The following NAV3 variants were observed in gnomAD, a reference collection of about 807,000 sequenced individuals.
The protein encoded by NAV3 is pore membrane and/or filament interacting like protein 1.
NAV3 carries 87 observed loss-of-function variants against 244.7 expected under a neutral mutation model. The observed-to-expected ratio is 0.36, with a 90% CI of 0.30 to 0.42. The LOEUF (loss-of-function observed/expected upper bound fraction) is 0.42, where lower values mean the gene tolerates loss of function less well. Among genes scored for constraint, NAV3 ranks in the 20% least tolerant of loss-of-function variants. The pLI is 1.00. For synonymous variants in NAV3, 1,126 were observed against 1,042.2 expected (o/e 1.08, Z -1.55); for missense variants, 2,663 against 2,893.3 (o/e 0.92, Z 1.83).
intron 9 of NAV3, among the ~76,000 whole-genome samples, chr12:78,025,079 G>A (rs1019866993): frequency 6.6e-6 from 1 of 152,114 alleles, no homozygotes; most frequent in African/African-American, 2.4e-5. Flanking sequence ...TGTAAAAAGA[G>A]TACGGTTCAA....
At chr12:77,952,920 A>G (rs1195053074) in intron 3 of NAV3, among the ~76,000 whole-genome samples, 1 of 152,134 alleles carries the variant, frequency 6.6e-6, no homozygotes, top group Non-Finnish European at 1.5e-5. Context: ...ATATACATAC[A>G]TGTTTTTAGG....
At chr12:77,635,394 T>G (rs1329318225) in intron 2 of NAV3, among the ~76,000 whole-genome samples, 1 of 152,184 alleles carries the variant, frequency 6.6e-6, no homozygotes, top group Non-Finnish European at 1.5e-5. Context: ...AAATTTGCCT[T>G]CTAAAAGAAG....
At chr12:78,085,694 GC>G (rs942682305) in intron 12 of NAV3, among the ~76,000 whole-genome samples, 14 of 152,032 alleles carry the variant, frequency 9.2e-5, no homozygotes, top group African/African-American at 3.4e-4. Context: ...TGTCAGGCAG[GC>G]AGTTTGAAAT....
chr12:78,080,617 C>T (rs1212431607), intron 12 of NAV3, among the ~76,000 whole-genome samples: 2 of 152,012 alleles, frequency 1.3e-5, no homozygotes, highest in Non-Finnish European at 2.9e-5. Flanking sequence ...TAATTTCTGT[C>T]TAAAATAGAT....
chr12:77,982,895 T>TA (rs754186770), intron 5 of NAV3, among the ~76,000 whole-genome samples: 15 of 152,176 alleles, frequency 9.9e-5, no homozygotes, highest in Non-Finnish European at 1.9e-4. Context: ...ATGGCAGCCT[T>TA]AGTGGTATCA....
chr12:77,850,607 A>G (rs1009764922), intron 1 of NAV3, among the ~76,000 whole-genome samples: 1 of 152,204 alleles, frequency 6.6e-6, no homozygotes, highest in African/African-American at 2.4e-5. Context: ...AGAAAGCCTC[A>G]TTAGAGTAAA....
chr12:77,615,386 G>C (rs1283059678), intron 2 of NAV3, among the ~76,000 whole-genome samples: 1 of 152,100 alleles, frequency 6.6e-6, no homozygotes, highest in African/African-American at 2.4e-5. Context: ...CTATGGATCA[G>C]TGTTTACAGT....
chr12:78,004,653 C>T (rs921179035), intron 7 of NAV3, among the ~76,000 whole-genome samples: 1 of 152,220 alleles, frequency 6.6e-6, no homozygotes, highest in Admixed American at 6.5e-5. Context: ...GCTGCCATTT[C>T]AGCTGCTGTT....
chr12:78,049,829 T>C (rs1426919642), intron 9 of NAV3, among the ~76,000 whole-genome samples, 164 bp from the exon 10 acceptor site: 1 of 152,214 alleles, frequency 6.6e-6, no homozygotes, highest in African/African-American at 2.4e-5. Flanking sequence ...TCTATTCACA[T>C]TTTATTGCTA....
intron 23 of NAV3, among the ~76,000 whole-genome samples, chr12:78,160,754 C>G (rs1051719775): frequency 6.6e-6 from 1 of 151,384 alleles, no homozygotes; most frequent in East Asian, 1.9e-4. Context: ...CTCCGTATAC[C>G]CTGCCCGTGA....
intron 2 of NAV3, among the ~76,000 whole-genome samples, chr12:77,690,996 C>T (rs1289979424): frequency 6.6e-6 from 1 of 150,422 alleles, no homozygotes; most frequent in Non-Finnish European, 1.5e-5. Flanking sequence ...TTTATGGCAT[C>T]TTTTATTTCT....
At position 77,578,210 on chromosome 12, in the gene NAV3, A is replaced by C. The variant is rs145952503; in HGVS notation, c.72+5944A>C. On this transcript the variant is annotated intron_variant, in intron 2 of 8. Transcript: ENST00000550042. ...TCTGAGGACCAACAGCATCACTGTC[A>C]TCTGGGAGCTTATAAGAAATACAAA... Among the ~76,000 whole-genome samples the C allele has an allele frequency of 4.1e-3, 624 of 152,338 alleles. 7 individuals are homozygous for C. The highest frequency in any genetic ancestry group is 0.014 in the African/African-American group (599 of 41,584).
At chr12:77,839,802 G>A (rs563003036) in intron 1 of NAV3, among the ~76,000 whole-genome samples, 45 of 152,168 alleles carry the variant, frequency 3.0e-4, no homozygotes, top group Non-Finnish European at 4.7e-4. Context: ...AAGCATGGTG[G>A]CTCACACCTG....
chr12:77,752,726 C>T (rs1414457222), intron 2 of NAV3, among the ~76,000 whole-genome samples: 1 of 152,122 alleles, frequency 6.6e-6, no homozygotes, highest in African/African-American at 2.4e-5. Flanking sequence ...CTTTATAGAG[C>T]TCTTATAATA....
At chr12:78,012,278 C>G (rs541831756) in intron 8 of NAV3, among the ~76,000 whole-genome samples, 1 of 152,062 alleles carries the variant, frequency 6.6e-6, no homozygotes, top group Non-Finnish European at 1.5e-5. Flanking sequence ...AGCCACAACA[C>G]CACCAATTCT....
intron 22 of NAV3, among the ~76,000 whole-genome samples, chr12:78,150,666 CACACAT>C (rs772537740): frequency 3.7e-5 from 5 of 135,692 alleles, no homozygotes; most frequent in Admixed American, 3.2e-4. Flanking sequence ...CACACACACA[CACACAT>C]ACACACACAT....
chr12:77,708,586 A>T (rs1469128925), intron 2 of NAV3, among the ~76,000 whole-genome samples: 1 of 152,068 alleles, frequency 6.6e-6, no homozygotes, highest in African/African-American at 2.4e-5. Context: ...TTTTTTTCCA[A>T]TTCTGTGAAG....
At chr12:77,741,426 A>G (rs1014760860) in intron 2 of NAV3, among the ~76,000 whole-genome samples, 7 of 152,032 alleles carry the variant, frequency 4.6e-5, no homozygotes. Context: ...TCACACACAC[A>G]TTCATTTTTG....
In NAV3 at chr12:77,572,912, CTT is replaced by C. The variant is rs1241327544; in HGVS notation, c.72+650_72+651del. On this transcript the variant is annotated intron_variant, in intron 2 of 8. Transcript: ENST00000550042. ...ATGTACTTCACCTTCATTTTTCTAGCTTTTTAGAAACTCTTACCTGCTGAATT... is the reference window on the plus strand; with the variant it reads ...ATGTACTTCACCTTCATTTTTCTAGCTTTAGAAACTCTTACCTGCTGAATT... Among the ~76,000 whole-genome samples the C allele has an allele frequency of 3.9e-5, 6 of 152,264 alleles. No individual in the cohort carries two copies. In the East Asian group the frequency reaches 1.2e-3, roughly 29 times the overall value.
Sources: gnomAD v4.1 joint callset for allele counts (sites outside exome capture counted in the v4.1 genomes callset) on GRCh38, gnomAD v4.1.1 for gene constraint, MANE v1.5 for transcripts, NCBI Gene and HGNC (gene_info 2026-07-23, HGNC 2026-07-21) for gene names.